TULP3: variants seen among roughly 807,000 people sequenced by gnomAD.
TULP3 encodes tubby-related protein 3.
In TULP3, 38 loss-of-function variants were observed where a neutral mutation model predicts 50.7. The ratio of observed to expected loss-of-function variants is 0.75; its 90% CI spans 0.58 to 0.98. The LOEUF (loss-of-function observed/expected upper bound fraction) is 0.98. Ranked by LOEUF, TULP3 falls within the 50% of genes least tolerant of loss-of-function variation. TULP3 has a pLI of 0.00. For synonymous variants in TULP3, 183 were observed against 196.6 expected (o/e 0.93, Z 0.58); for missense variants, 550 against 568.0 (o/e 0.97, Z 0.32).
chr12:2,905,447 G>A (rs1465399905), intron 1 of TULP3, among the ~76,000 whole-genome samples: 1 of 152,102 alleles, frequency 6.6e-6, no homozygotes, highest in Non-Finnish European at 1.5e-5. Flanking sequence ...GCCTCCCAAA[G>A]TGTTGGGATT....
At position 2,909,428 on chromosome 12, in the gene TULP3, G is replaced by A. The variant is rs1473148978; in HGVS notation, c.42-101G>A. ...CTGATGCCTTCTATGAGGCAGAATCGATTGGTTCCAAATAGCCCAAAAGAG... is the reference window on the plus strand; with the variant it reads ...CTGATGCCTTCTATGAGGCAGAATCAATTGGTTCCAAATAGCCCAAAAGAG... On this transcript the variant is annotated intron_variant, in intron 1 of 10. Transcript: ENST00000448120. The A allele has an allele frequency of 1.0e-5, 12 of 1,161,506 alleles. No individual in the cohort carries two copies. In the Admixed American group the frequency reaches 1.3e-4, roughly 13 times the overall value. 71.9% of individuals were successfully genotyped at this position (1,161,506 alleles called of 1,614,324 possible).
intron 1 of TULP3, among the ~76,000 whole-genome samples, chr12:2,897,593 A>G (rs1208292638): frequency 1.3e-5 from 2 of 151,326 alleles, no homozygotes; most frequent in Non-Finnish European, 2.9e-5. Context: ...CAACATAGTG[A>G]GACCCCCTGT....
intron 2 of TULP3, among the ~76,000 whole-genome samples, chr12:2,910,583 A>G (rs1356497167): frequency 3.9e-5 from 6 of 152,190 alleles, no homozygotes; most frequent in Admixed American, 3.3e-4. Flanking sequence ...CTATGAATCT[A>G]TTCTAATTCA....
intron 1 of TULP3, 140 bp downstream of exon 1, chr12:2,891,128 CG>C: frequency 1.0e-6 from 1 of 971,686 alleles, no homozygotes; most frequent in Non-Finnish European, 1.4e-6. Context: ...GTTTCGGCGG[CG>C]GGAGGCGACC....
chr12:2,911,140 T>C lies in TULP3; in HGVS notation c.93+1560T>C, dbSNP rs1284917442. ...ATATTTTGTAATTGTATTCTTTTCA[T>C]TGAAAATGCTACATGTGATAATAAA... On this transcript the variant is annotated intron_variant, in intron 2 of 10. Coordinates refer to ENST00000448120, the MANE Select transcript of TULP3 (RefSeq NM_003324.5). Among the ~76,000 whole-genome samples, 8 of 152,262 alleles carry C rather than the reference T, an allele frequency of 5.3e-5. No homozygotes were observed. In the East Asian group the frequency reaches 1.5e-3, roughly 29 times the overall value.
At chr12:2,911,091 G>GTT (rs201821790) in intron 2 of TULP3, among the ~76,000 whole-genome samples, 1 of 144,612 alleles carries the variant, frequency 6.9e-6, no homozygotes. Context: ...CATTTTCTGA[G>GTT]TTTTTTTTTT....
At chr12:2,921,154 T>C (rs1202901038) in intron 3 of TULP3, among the ~76,000 whole-genome samples, 2 of 152,196 alleles carry the variant, frequency 1.3e-5, no homozygotes, top group African/African-American at 4.8e-5. Flanking sequence ...TTTCTTTTTT[T>C]TGAGACGGAG....
intron 4 of TULP3, among the ~76,000 whole-genome samples, chr12:2,922,893 G>T (rs375995075): frequency 8.4e-4 from 116 of 137,988 alleles, no homozygotes; most frequent in South Asian, 5.3e-3. Context: ...TCACTCTGTC[G>T]CGCTGGCTGG....
intron 1 of TULP3, among the ~76,000 whole-genome samples, chr12:2,908,228 A>C (rs1232224896): frequency 1.3e-5 from 2 of 152,184 alleles, no homozygotes; most frequent in African/African-American, 4.8e-5. Context: ...CTTTGTGGTA[A>C]TGGAATTTGT....
chr12:2,934,751 CAG>C (rs2098200120), intron 8 of TULP3, among the ~76,000 whole-genome samples, 190 bp downstream of exon 8: 1 of 152,198 alleles, frequency 6.6e-6, no homozygotes. Flanking sequence ...TTTTCACTCT[CAG>C]AACATTTCTT....
chr12:2,895,592 A>G (rs902006354), intron 1 of TULP3, among the ~76,000 whole-genome samples: 3 of 152,234 alleles, frequency 2.0e-5, no homozygotes, highest in Admixed American at 6.5e-5. Context: ...CTATTTGTCA[A>G]TTGAGTTAGG....
chr12:2,938,006 C>T (rs1412416948), intron 9 of TULP3, 108 bp from the exon 10 acceptor site: 16 of 1,238,258 alleles, frequency 1.3e-5, no homozygotes, highest in South Asian at 7.4e-5. Context: ...TTTCATTCTT[C>T]GCTTCTGGTT....
chr12:2,916,282 A>T (rs7978408), intron 2 of TULP3, among the ~76,000 whole-genome samples: 2 of 152,166 alleles, frequency 1.3e-5, no homozygotes, highest in East Asian at 1.9e-4. Context: ...GATTACAGGC[A>T]TGAGCCACTG....
intron 1 of TULP3, among the ~76,000 whole-genome samples, chr12:2,892,478 G>A (rs1393810280): frequency 6.6e-6 from 1 of 151,992 alleles, no homozygotes; most frequent in African/African-American, 2.4e-5. Context: ...AACGGGATGC[G>A]GGATTGACTT....
chr12:2,905,488 A>T (rs530207150), intron 1 of TULP3, among the ~76,000 whole-genome samples: 1 of 152,258 alleles, frequency 6.6e-6, no homozygotes, highest in East Asian at 1.9e-4. Context: ...CCGGCCTTAT[A>T]AAATGTCTTT....
Position 2,940,459 on chromosome 12 carries a change from T to A in TULP3, c.*1015T>A. ...CCCTGGCTCAGGCACAGAAGGTGTT[T>A]TGCTACGTTTTTTTGATTATTACAC... is the stretch of plus-strand genomic sequence containing the variant. On this transcript the variant is annotated 3_prime_UTR_variant, in exon 11 of 11. Coordinates refer to ENST00000448120, the MANE Select transcript of TULP3 (RefSeq NM_003324.5). 1 of 1,485,212 alleles carries A rather than the reference T, an allele frequency of 6.7e-7. No individual in the cohort carries two copies. The highest frequency in any genetic ancestry group is 9.0e-7 in the Non-Finnish European group (1 of 1,115,424). 92.0% of individuals were successfully genotyped at this position (1,485,212 alleles called of 1,614,324 possible).
intron 4 of TULP3, among the ~76,000 whole-genome samples, chr12:2,928,574 A>C (rs565123329): frequency 1.5e-4 from 23 of 152,210 alleles, no homozygotes; most frequent in Non-Finnish European, 3.2e-4. Flanking sequence ...GCTGAGGGGA[A>C]TAAAACTGCT....
In TULP3 at chr12:2,897,771, T is replaced by TA. The variant is rs71057851; in HGVS notation, c.41+6803dup. Among the ~76,000 whole-genome samples the TA allele has an allele frequency of 7.8e-3, 978 of 125,746 alleles. 7 individuals carry two copies. The highest frequency in any genetic ancestry group is 0.012 in the Admixed American group (139 of 11,966). 82.5% of individuals were successfully genotyped at this position (125,746 alleles called of 152,430 possible). A position where few individuals can be genotyped will look rare whatever the true frequency, so the allele number is the denominator to read the frequency against. On this transcript the variant is annotated intron_variant, in intron 1 of 10. Transcript: ENST00000448120. ...CTGCCTGGCCCGAGACCCTGTCTCT[T>TA]AAAAAAAAAAAAAAAAAAAATTCTA...
intron 3 of TULP3, 111 bp downstream of exon 3, chr12:2,921,033 G>A (rs2098191381): frequency 8.0e-7 from 1 of 1,253,040 alleles, no homozygotes; most frequent in Non-Finnish European, 1.1e-6. Flanking sequence ...ACCATTACTA[G>A]GTACCTTCAT....
Sources: gnomAD v4.1 joint callset for allele counts (sites outside exome capture counted in the v4.1 genomes callset) on GRCh38, gnomAD v4.1.1 for gene constraint, MANE v1.5 for transcripts, NCBI Gene and HGNC (gene_info 2026-07-23, HGNC 2026-07-21) for gene names.